ACYP2: variants seen among roughly 807,000 people sequenced by gnomAD.
ACYP2 encodes the protein acylphosphatase-2.
A neutral mutation model predicts 11.2 loss-of-function variants in ACYP2; 12 were observed. The observed-to-expected ratio is 1.08, with a 90% CI of 0.69 to 1.74. ACYP2 has a LOEUF of 1.74. ACYP2 is among the 40% of genes most tolerant of loss of function. ACYP2 has a pLI of 0.00. For synonymous variants in ACYP2, 43 were observed against 32.2 expected, an observed-to-expected ratio of 1.33 and a Z score of -1.13; for missense variants, 134 against 101.9, an observed-to-expected ratio of 1.31 and a Z score of -1.35.
At chr2:53,995,993 G>A (rs1053474637) in intron 2 of ACYP2, among the ~76,000 whole-genome samples, 1 of 152,024 alleles carries the variant, frequency 6.6e-6, no homozygotes, top group Non-Finnish European at 1.5e-5. Flanking sequence ...AATTAGCTGG[G>A]CTTGGTGGTG....
rs114744916 is a variant in ACYP2, at chr2:54,056,342, C to G, written c.156-897C>G. On this transcript the variant is annotated intron_variant, in intron 3 of 6. Coordinates refer to ENST00000607452, the MANE Select transcript of ACYP2 (RefSeq NM_001320586.2). ...TTTGCCCATCGTCCAGGATACAATT[C>G]AAATAAAATCATATGTTCTTTCCAC... 5.6e-3 allele frequency among the ~76,000 whole-genome samples: 857 copies of G among 152,314 alleles called. 11 individuals carry two copies. The highest frequency in any genetic ancestry group is 0.02 in the African/African-American group (820 of 41,558).
chr2:54,130,265 C>T (rs756263975), intron 4 of ACYP2, among the ~76,000 whole-genome samples: 4 of 151,900 alleles, frequency 2.6e-5, no homozygotes, highest in African/African-American at 9.7e-5. Flanking sequence ...ATGAGAATAT[C>T]AGGGGGAAGA....
chr2:53,978,253 C>A (rs1462082556), intron 2 of ACYP2, among the ~76,000 whole-genome samples: 1 of 145,922 alleles, frequency 6.9e-6, no homozygotes, highest in Non-Finnish European at 1.5e-5. Context: ...CAGAGTGAGA[C>A]TCCATCTCAA....
At chr2:54,250,354 TC>T in intron 6 of ACYP2, among the ~76,000 whole-genome samples, 1 of 150,566 alleles carries the variant, frequency 6.6e-6, no homozygotes, top group East Asian at 2.0e-4. Flanking sequence ...ACGCCTGTAA[TC>T]CCAGCTACTC....
chr2:53,996,421 AAG>A (rs1448788608), intron 2 of ACYP2, among the ~76,000 whole-genome samples: 1 of 152,150 alleles, frequency 6.6e-6, no homozygotes, highest in African/African-American at 2.4e-5. Flanking sequence ...TGTGAAAGGA[AAG>A]AGGGGAGTAA....
intron 6 of ACYP2, among the ~76,000 whole-genome samples, chr2:54,212,078 G>C (rs1406393365): frequency 6.6e-6 from 1 of 152,190 alleles, no homozygotes; most frequent in Non-Finnish European, 1.5e-5. Context: ...ATGAATGACT[G>C]GTATACTAGT....
intron 4 of ACYP2, among the ~76,000 whole-genome samples, chr2:54,064,796 T>A (rs772244303): frequency 2.0e-5 from 3 of 152,090 alleles, no homozygotes; most frequent in Non-Finnish European, 4.4e-5. Flanking sequence ...AGATTAAATA[T>A]AGGGGGACCG....
chr2:54,184,413 C>G (rs1305140251), intron 6 of ACYP2, among the ~76,000 whole-genome samples: 1 of 151,992 alleles, frequency 6.6e-6, no homozygotes, highest in Non-Finnish European at 1.5e-5. Context: ...GTGTGAGCCC[C>G]AAGCAGCAGA....
intron 4 of ACYP2, among the ~76,000 whole-genome samples, chr2:54,132,831 G>A (rs556184835): frequency 3.4e-5 from 5 of 147,998 alleles, no homozygotes; most frequent in Middle Eastern, 3.5e-3. Flanking sequence ...CGAAACCTCC[G>A]CCTCCCAGGC....
intron 6 of ACYP2, chr2:54,141,792 A>G (rs949336910): frequency 1.9e-5 from 9 of 465,048 alleles, no homozygotes; most frequent in Non-Finnish European, 3.5e-5. Context: ...TTAAAAAGAA[A>G]ACTTACATGA....
chr2:54,274,875 G>A (rs575433238), intron 6 of ACYP2, among the ~76,000 whole-genome samples: 1 of 152,288 alleles, frequency 6.6e-6, no homozygotes, highest in East Asian at 1.9e-4. Context: ...GCAGAATGAT[G>A]TAATAGCAGC....
intron 6 of ACYP2, chr2:54,255,184 G>T (rs772774861): frequency 2.5e-6 from 4 of 1,614,200 alleles, no homozygotes; most frequent in Non-Finnish European, 3.4e-6. Flanking sequence ...AGTGGAAAAA[G>T]ACACCACTTG....
rs574305585 is a variant in ACYP2 at position 54,163,025 on chromosome 2, G to A, written c.404+24277G>A. Among the ~76,000 whole-genome samples, 9 of 152,240 alleles carry A rather than the reference G, an allele frequency of 5.9e-5. No homozygotes were observed. In the East Asian group the frequency reaches 9.7e-4, roughly 16 times the overall value. ...TTACTCTGTACAGTCACTTTTGCTC[G>A]TTTTGGATTTGTCCAGTGCTTTTCA... On this transcript the variant is annotated intron_variant, in intron 6 of 6. Coordinates refer to ENST00000607452, the MANE Select transcript of ACYP2 (RefSeq NM_001320586.2).
At chr2:54,053,018 A>G (rs1020522192) in intron 3 of ACYP2, among the ~76,000 whole-genome samples, 1 of 152,240 alleles carries the variant, frequency 6.6e-6, no homozygotes. Flanking sequence ...ACAATGTTTC[A>G]TCAGTAGAGG....
intron 6 of ACYP2, among the ~76,000 whole-genome samples, chr2:54,278,583 C>T (rs1298569190): frequency 6.6e-6 from 1 of 152,172 alleles, no homozygotes; most frequent in African/African-American, 2.4e-5. Context: ...GATTGATTAG[C>T]AATGTCTACC....
chr2:53,977,082 C>G (rs1671530686), intron 2 of ACYP2, among the ~76,000 whole-genome samples: 1 of 152,140 alleles, frequency 6.6e-6, no homozygotes, highest in African/African-American at 2.4e-5. Context: ...GAGTCCTGCT[C>G]TGTTGCCCAG....
At chr2:54,303,574 T>G (rs1264664687) in intron 6 of ACYP2, among the ~76,000 whole-genome samples, 1 of 152,216 alleles carries the variant, frequency 6.6e-6, no homozygotes, top group African/African-American at 2.4e-5. Context: ...CAAACTAATC[T>G]CACCCAGTAA....
At chr2:54,166,507 C>T (rs1412799747) in intron 6 of ACYP2, among the ~76,000 whole-genome samples, 1 of 152,094 alleles carries the variant, frequency 6.6e-6, no homozygotes, top group Admixed American at 6.5e-5. Flanking sequence ...TCCTGTTTGC[C>T]CTGTCAATGC....
chr2:54,016,770 G>A (rs1158894331), intron 2 of ACYP2, among the ~76,000 whole-genome samples: 1 of 148,890 alleles, frequency 6.7e-6, no homozygotes, highest in African/African-American at 2.5e-5. Flanking sequence ...GTGTCGCTCA[G>A]GCTGGAGTGC....
Sources: gnomAD v4.1 joint callset for allele counts (sites outside exome capture counted in the v4.1 genomes callset) on GRCh38, gnomAD v4.1.1 for gene constraint, MANE v1.5 for transcripts, NCBI Gene and HGNC (gene_info 2026-07-23, HGNC 2026-07-21) for gene names.